HDAC9: variants seen among roughly 807,000 people sequenced by gnomAD.
HDAC9 encodes MEF-2 interacting transcription repressor (MITR) protein.
HDAC9 carries 41 observed loss-of-function variants against 139.4 expected under a neutral mutation model. That is an observed-to-expected ratio of 0.29 (90% CI 0.23 to 0.38). The LOEUF (loss-of-function observed/expected upper bound fraction) is 0.38, where lower values mean the gene tolerates loss of function less well. Ranked by LOEUF, HDAC9 falls within the 10% of genes least tolerant of loss-of-function variation. The pLI is 1.00. For synonymous variants in HDAC9, 517 were observed against 476.2 expected (o/e 1.09, Z -1.12); for missense variants, 1,147 against 1,297.0 (o/e 0.88, Z 1.78).
At chr7:18,946,629 T>C (rs907588267) in intron 23 of HDAC9, among the ~76,000 whole-genome samples, 3 of 152,070 alleles carry the variant, frequency 2.0e-5, no homozygotes, top group South Asian at 4.1e-4. Context: ...CAATTCAAAC[T>C]TTTTGTGTCT....
At chr7:18,476,154 G>T (rs913293161) in intron 1 of HDAC9, among the ~76,000 whole-genome samples, 5 of 152,074 alleles carry the variant, frequency 3.3e-5, no homozygotes, top group African/African-American at 1.2e-4. Context: ...TATTTAAATA[G>T]AAATAGCAGG....
At chr7:18,667,744 G>A (rs1406422803) in intron 12 of HDAC9, 2 of 984,190 alleles carry the variant, frequency 2.0e-6, no homozygotes, top group African/African-American at 3.5e-5. Flanking sequence ...GTTTTTAAAG[G>A]GCACTCTATG....
intron 25 of HDAC9, among the ~76,000 whole-genome samples, chr7:18,983,923 C>T (rs573337569): frequency 2.4e-4 from 36 of 152,156 alleles, no homozygotes; most frequent in Non-Finnish European, 4.7e-4. Context: ...CTTCTTCCAC[C>T]AACCCTTTAT....
chr7:18,667,594 T>C (rs1206856461), intron 12 of HDAC9: 1 of 985,324 alleles, frequency 1.0e-6, no homozygotes, highest in Non-Finnish European at 1.2e-6. Context: ...CAGTTCTTTG[T>C]CAGGTTCCTG....
intron 1 of HDAC9, among the ~76,000 whole-genome samples, chr7:18,324,961 T>C (rs1467899621): frequency 3.9e-5 from 6 of 152,134 alleles, no homozygotes. Flanking sequence ...GTTCTTAAAG[T>C]TATAATAAGC....
chr7:18,351,950 A>G (rs1323501344), intron 1 of HDAC9, among the ~76,000 whole-genome samples: 1 of 152,212 alleles, frequency 6.6e-6, no homozygotes, highest in African/African-American at 2.4e-5. Context: ...GTTATCCACT[A>G]TTGGAAGGTG....
chr7:18,242,928 G>A (rs1194540977), intron 2 of HDAC9, among the ~76,000 whole-genome samples: 1 of 152,168 alleles, frequency 6.6e-6, no homozygotes. Flanking sequence ...CTGTTGTTAG[G>A]TGCATAAACT....
chr7:18,647,672 A>G (rs779785377), intron 9 of HDAC9, 113 bp from the exon 10 acceptor site: 10 of 827,354 alleles, frequency 1.2e-5, no homozygotes, highest in Non-Finnish European at 1.7e-5. Flanking sequence ...ATTGGGTAAG[A>G]TGGGGCTTTT....
rs192732455 is a variant in HDAC9, at chr7:18,842,253, G to C, written c.2684+6256G>C. On this transcript the variant is annotated intron_variant, in intron 21 of 25. Coordinates refer to ENST00000686413, the MANE Select transcript of HDAC9 (RefSeq NM_178425.4). ...ATGTTGAAGACAGTTTGAGAAAGAGGGTGGAGTTTCTTGAAACAATTTGCC... is the reference window on the plus strand; with the variant it reads ...ATGTTGAAGACAGTTTGAGAAAGAGCGTGGAGTTTCTTGAAACAATTTGCC... 3.9e-5 allele frequency among the ~76,000 whole-genome samples: 6 copies of C among 152,076 alleles called. No homozygotes were observed. In the East Asian group the frequency reaches 1.2e-3, roughly 29 times the overall value.
chr7:18,884,657 A>G (rs779638376), intron 22 of HDAC9, among the ~76,000 whole-genome samples: 8 of 152,242 alleles, frequency 5.3e-5, no homozygotes, highest in Non-Finnish European at 1.2e-4. Flanking sequence ...TGAAGTGAAC[A>G]TCCTTTTACA....
At chr7:18,169,854 T>G (rs944434141) in intron 2 of HDAC9, among the ~76,000 whole-genome samples, 4 of 152,240 alleles carry the variant, frequency 2.6e-5, no homozygotes, top group African/African-American at 9.6e-5. Context: ...TAATCCAGTC[T>G]ATCATTGATG....
intron 12 of HDAC9, among the ~76,000 whole-genome samples, chr7:18,697,437 A>T (rs1022219996): frequency 1.6e-4 from 25 of 152,190 alleles, no homozygotes; most frequent in African/African-American, 5.8e-4. Context: ...ACATTATTAC[A>T]TGTTTTTTCC....
chr7:18,603,273 T>C (rs1562535070), intron 6 of HDAC9, among the ~76,000 whole-genome samples: 1 of 152,134 alleles, frequency 6.6e-6, no homozygotes, highest in Admixed American at 6.5e-5. Flanking sequence ...TCTTCGTGTA[T>C]TGAGACAATT....
chr7:18,748,289 A>G (rs1281819247), intron 13 of HDAC9, among the ~76,000 whole-genome samples: 1 of 152,212 alleles, frequency 6.6e-6, no homozygotes, highest in Non-Finnish European at 1.5e-5. Flanking sequence ...AATACTTGAT[A>G]ATTTAAAAGA....
At chr7:18,716,356 GTTTTC>G (rs904524677) in intron 12 of HDAC9, among the ~76,000 whole-genome samples, 5 of 152,086 alleles carry the variant, frequency 3.3e-5, no homozygotes, top group African/African-American at 1.2e-4. Context: ...AATATAATTT[GTTTTC>G]TTTACTTTTC....
chr7:18,541,322 G>A (rs1221868132), intron 2 of HDAC9, among the ~76,000 whole-genome samples: 2 of 151,758 alleles, frequency 1.3e-5, no homozygotes, highest in South Asian at 4.2e-4. Context: ...TTGGCAGCCC[G>A]GTGTGCCAGC....
chr7:18,597,885 T>C (rs561469085), intron 6 of HDAC9, among the ~76,000 whole-genome samples: 236 of 152,248 alleles, frequency 1.6e-3, no homozygotes, highest in African/African-American at 5.5e-3. Context: ...ATATTTATTT[T>C]AATGGTCAGC....
intron 1 of HDAC9, among the ~76,000 whole-genome samples, chr7:18,437,803 A>G (rs980338015): frequency 3.3e-5 from 5 of 151,362 alleles, no homozygotes; most frequent in Non-Finnish European, 5.9e-5. Flanking sequence ...TCATACATTT[A>G]TAGAATAAAA....
At chr7:18,770,009 A>G (rs1319514790) in intron 16 of HDAC9, among the ~76,000 whole-genome samples, 1 of 152,178 alleles carries the variant, frequency 6.6e-6, no homozygotes, top group Admixed American at 6.6e-5. Context: ...GGTTTGATAT[A>G]TACCTACAGA....
Sources: gnomAD v4.1 joint callset for allele counts (sites outside exome capture counted in the v4.1 genomes callset) on GRCh38, gnomAD v4.1.1 for gene constraint, MANE v1.5 for transcripts, NCBI Gene and HGNC (gene_info 2026-07-23, HGNC 2026-07-21) for gene names.